The following LRMDA variants were observed in gnomAD, a reference collection of about 807,000 sequenced individuals.
LRMDA encodes leucine rich melanocyte differentiation associated.
Under a neutral mutation model 29.8 loss-of-function variants are expected in LRMDA, and 18 were observed. The observed-to-expected ratio is 0.60, with a 90% confidence interval of 0.42 to 0.90. LRMDA has a LOEUF of 0.90. Among genes scored for constraint, LRMDA ranks in the 40% least tolerant of loss-of-function variants. The pLI is 0.00. For synonymous variants in LRMDA, 125 were observed against 109.4 expected (o/e 1.14, Z -0.89); for missense variants, 273 against 273.9 (o/e 1.00, Z 0.02).
intron 5 of LRMDA, among the ~76,000 whole-genome samples, chr10:76,156,113 AT>A (rs1357954305): frequency 1.3e-5 from 2 of 152,176 alleles, no homozygotes; most frequent in African/African-American, 4.8e-5. Context: ...AATGTATGCA[AT>A]GTAAATGGCT....
At chr10:76,038,090 GA>G (rs1848281890) in intron 3 of LRMDA, among the ~76,000 whole-genome samples, 1 of 152,138 alleles carries the variant, frequency 6.6e-6, no homozygotes, top group Admixed American at 6.5e-5. Flanking sequence ...ATCAAGGACA[GA>G]AGGATTTTTA....
chr10:75,877,993 A>T (rs964737930), intron 2 of LRMDA, among the ~76,000 whole-genome samples: 1 of 152,036 alleles, frequency 6.6e-6, no homozygotes, highest in Admixed American at 6.6e-5. Flanking sequence ...CTGCTGCTGA[A>T]ACCCCTTGGG....
At chr10:75,577,711 A>G (rs1212890274) in intron 2 of LRMDA, among the ~76,000 whole-genome samples, 2 of 152,220 alleles carry the variant, frequency 1.3e-5, no homozygotes, top group Non-Finnish European at 2.9e-5. Flanking sequence ...TGTACAAGCC[A>G]GAAGAGAGTG....
intron 2 of LRMDA, among the ~76,000 whole-genome samples, chr10:75,629,329 A>G (rs543925381): frequency 1.5e-4 from 23 of 152,012 alleles, no homozygotes; most frequent in Non-Finnish European, 2.8e-4. Flanking sequence ...TCTTTCCCCA[A>G]TCTTTTCTTT....
At chr10:76,532,716 A>G (rs1843247763) in intron 6 of LRMDA, among the ~76,000 whole-genome samples, 1 of 152,226 alleles carries the variant, frequency 6.6e-6, no homozygotes, top group Non-Finnish European at 1.5e-5. Context: ...TTATTTGGCA[A>G]AGAGGAGTCT....
chr10:76,426,237 A>G (rs913935694), intron 6 of LRMDA, among the ~76,000 whole-genome samples: 15 of 152,068 alleles, frequency 9.9e-5, no homozygotes, highest in African/African-American at 3.1e-4. Context: ...AAGTGTTCCT[A>G]TTTCTCCACA....
In LRMDA at chr10:75,542,278, C is replaced by CT. The variant is rs1056764058; in HGVS notation, c.131+103796dup. 5.1e-3 allele frequency among the ~76,000 whole-genome samples: 743 copies of CT among 146,284 alleles called. 3 individuals carry two copies. The highest frequency in any genetic ancestry group is 7.9e-3 in the Admixed American group (116 of 14,606). ...TGCCTCAGAAGTCTTAAGCCTGAAA[C>CT]TTTTTTTTTTTTGGTTTTTCCCTAA... is the stretch of plus-strand genomic sequence containing the variant. On this transcript the variant is annotated intron_variant, in intron 2 of 6. Transcript: ENST00000611255.
intron 2 of LRMDA, among the ~76,000 whole-genome samples, chr10:76,006,700 G>GT (rs1291444986): frequency 2.0e-5 from 3 of 152,150 alleles, no homozygotes; most frequent in African/African-American, 7.2e-5. Flanking sequence ...CTTTTTCTTA[G>GT]TGAGGGCTGG....
At chr10:76,155,887 T>A (rs1008959240) in intron 5 of LRMDA, among the ~76,000 whole-genome samples, 2 of 152,188 alleles carry the variant, frequency 1.3e-5, no homozygotes, top group Admixed American at 1.3e-4. Context: ...AGGAAAAGTA[T>A]TTACTCTCAA....
At chr10:75,631,672 G>T (rs546984287) in intron 2 of LRMDA, among the ~76,000 whole-genome samples, 1 of 152,144 alleles carries the variant, frequency 6.6e-6, no homozygotes, top group South Asian at 2.1e-4. Context: ...GGTGTAATTC[G>T]CCTTGACATC....
chr10:76,009,756 G>A (rs1288518855), intron 2 of LRMDA, among the ~76,000 whole-genome samples: 3 of 152,086 alleles, frequency 2.0e-5, no homozygotes, highest in African/African-American at 7.2e-5. Context: ...TCCCTGAAAT[G>A]GGTGGGTAAA....
At position 76,357,047 on chromosome 10, in the gene LRMDA, G is replaced by C. The variant is rs184087180; in HGVS notation, c.601+32562G>C. On this transcript the variant is annotated intron_variant, in intron 6 of 6. Transcript: ENST00000611255. ...AGATGTGAGTGCAAACCAAAAAATTGGCAAGTGCAAAACAAAAAATTGGCA... is the reference window on the plus strand; with the variant it reads ...AGATGTGAGTGCAAACCAAAAAATTCGCAAGTGCAAAACAAAAAATTGGCA... Among the ~76,000 whole-genome samples, 74 of 152,202 alleles carry C rather than the reference G, an allele frequency of 4.9e-4. No homozygotes were observed. In the East Asian group the frequency reaches 0.012, roughly 24 times the overall value.
At chr10:75,813,674 T>A (rs1280026552) in intron 2 of LRMDA, among the ~76,000 whole-genome samples, 1 of 152,200 alleles carries the variant, frequency 6.6e-6, no homozygotes, top group African/African-American at 2.4e-5. Context: ...ATATGTTTTG[T>A]TTAGGTTATA....
At chr10:75,870,482 C>T (rs539714949) in intron 2 of LRMDA, among the ~76,000 whole-genome samples, 2 of 152,340 alleles carry the variant, frequency 1.3e-5, no homozygotes, top group East Asian at 3.9e-4. Context: ...CTGACTCTCT[C>T]CCTTATTCCT....
At chr10:75,753,875 G>A (rs1193543776) in intron 2 of LRMDA, among the ~76,000 whole-genome samples, 1 of 152,184 alleles carries the variant, frequency 6.6e-6, no homozygotes, top group Non-Finnish European at 1.5e-5. Context: ...CCAGGGAGCA[G>A]GCAGTAAAGA....
intron 2 of LRMDA, among the ~76,000 whole-genome samples, chr10:75,895,358 A>G (rs1006810698): frequency 6.6e-6 from 1 of 152,210 alleles, no homozygotes; most frequent in African/African-American, 2.4e-5. Flanking sequence ...AGCCCTCACT[A>G]TATGCCATGT....
At chr10:75,744,473 C>T (rs753894839) in intron 2 of LRMDA, among the ~76,000 whole-genome samples, 34 of 152,298 alleles carry the variant, frequency 2.2e-4, no homozygotes, top group Non-Finnish European at 4.3e-4. Context: ...ATCATTCTGT[C>T]TACTTGAGTG....
chr10:76,119,686 A>C (rs1849743172), intron 5 of LRMDA, among the ~76,000 whole-genome samples: 1 of 152,102 alleles, frequency 6.6e-6, no homozygotes, highest in African/African-American at 2.4e-5. Flanking sequence ...AAACCCATGA[A>C]ACCATGTTTT....
chr10:76,166,912 A>G (rs939652321), intron 5 of LRMDA, among the ~76,000 whole-genome samples: 1 of 152,202 alleles, frequency 6.6e-6, no homozygotes, highest in Non-Finnish European at 1.5e-5. Context: ...TCCCACCAAC[A>G]GTATTTAAGC....
Sources: allele counts gnomAD v4.1 joint callset (sites outside exome capture counted in the v4.1 genomes callset), GRCh38; gene constraint gnomAD v4.1.1; transcripts MANE v1.5; gene names NCBI Gene and HGNC (gene_info 2026-07-23, HGNC 2026-07-21).